DLG2: variants seen among roughly 807,000 people sequenced by gnomAD.
DLG2 encodes the protein discs large MAGUK scaffold protein 2.
DLG2 carries 45 observed loss-of-function variants against 132.5 expected under a neutral mutation model. The ratio of observed to expected loss-of-function variants is 0.34; its 90% CI spans 0.27 to 0.44. The LOEUF (loss-of-function observed/expected upper bound fraction) is 0.44. Among genes scored for constraint, DLG2 ranks in the 20% least tolerant of loss-of-function variants. The probability of loss-of-function intolerance (pLI) is 1.00; values close to 1 mark genes in which losing one functional copy is unlikely to be tolerated. For missense variants in DLG2, 1,045 were observed against 1,196.9 expected (o/e 0.87, Z 1.87); for synonymous variants, 424 against 419.6 (o/e 1.01, Z -0.13).
chr11:83,678,263 A>G (rs2078113447), intron 18 of DLG2, among the ~76,000 whole-genome samples: 1 of 152,198 alleles, frequency 6.6e-6, no homozygotes, highest in African/African-American at 2.4e-5. Context: ...AAAAGCAAAA[A>G]CAGACAAAAG....
intron 6 of DLG2, among the ~76,000 whole-genome samples, chr11:84,956,004 G>A (rs889674090): frequency 6.6e-6 from 1 of 152,156 alleles, no homozygotes; most frequent in African/African-American, 2.4e-5. Context: ...GGGAAGCACT[G>A]CATGTTTCCA....
Position 84,607,037 on chromosome 11 carries a change from A to C in DLG2, c.358-72306T>G, listed in dbSNP as rs181697288. Among the ~76,000 whole-genome samples the C allele has an allele frequency of 7.9e-5, 12 of 152,238 alleles. No individual in the cohort carries two copies. The East Asian group carries it at 2.3e-3, about 29-fold the overall frequency. ...CCATATCCAGGATCCAAGGTCATCA[A>C]GAGCAGGGGGCCATAGAGCTTAATT... On this transcript the variant is annotated intron_variant, in intron 6 of 27. Transcript: ENST00000376104.
chr11:85,238,388 C>T (rs970008408), intron 4 of DLG2, among the ~76,000 whole-genome samples: 4 of 151,634 alleles, frequency 2.6e-5, no homozygotes, highest in African/African-American at 9.7e-5. Context: ...GGACTACAGG[C>T]GTGCACCACC....
chr11:85,116,276 C>T (rs1292839801), intron 5 of DLG2, among the ~76,000 whole-genome samples: 1 of 151,854 alleles, frequency 6.6e-6, no homozygotes, highest in East Asian at 1.9e-4. Flanking sequence ...AGAACACTTT[C>T]TGACTTCTAG....
intron 4 of DLG2, among the ~76,000 whole-genome samples, chr11:85,185,841 C>T (rs919212570): frequency 6.6e-6 from 1 of 151,776 alleles, no homozygotes; most frequent in Non-Finnish European, 1.5e-5. Context: ...AATATCATTT[C>T]ATTTAATCTT....
chr11:84,574,792 C>T (rs192660573), intron 6 of DLG2, among the ~76,000 whole-genome samples: 24 of 152,248 alleles, frequency 1.6e-4, no homozygotes, highest in African/African-American at 5.5e-4. Flanking sequence ...GCTCTTGCTC[C>T]TTTGTTGCCT....
intron 6 of DLG2, among the ~76,000 whole-genome samples, chr11:84,912,253 T>C (rs2092136003): frequency 6.6e-6 from 1 of 152,216 alleles, no homozygotes; most frequent in South Asian, 2.1e-4. Flanking sequence ...CCTCCTGGGT[T>C]CACGCCATTC....
At chr11:84,316,800 G>T in intron 7 of DLG2, 4 of 1,575,934 alleles carry the variant, frequency 2.5e-6, no homozygotes, top group Non-Finnish European at 2.6e-6. Context: ...GACACTCAAG[G>T]GAAAGTCATA....
chr11:84,684,234 C>T (rs1011468451), intron 6 of DLG2, among the ~76,000 whole-genome samples: 1 of 152,070 alleles, frequency 6.6e-6, no homozygotes. Context: ...GGAGATAATT[C>T]CCCTGTGGCA....
rs574020108 is a variant in DLG2 at position 84,728,755 on chromosome 11, C to T, written c.358-194024G>A. Among the ~76,000 whole-genome samples, 6 of 152,226 alleles carry T rather than the reference C, an allele frequency of 3.9e-5. No homozygotes were observed. The South Asian group carries it at 1.2e-3, about 32-fold the overall frequency. ...TTGGTTGTTAGGCTATTAAGTACTG[C>T]CTCAATTTCAGAACTTGTTATTGGT... is the stretch of plus-strand genomic sequence containing the variant. On this transcript the variant is annotated intron_variant, in intron 6 of 27. Transcript: ENST00000376104.
rs539290055 is a variant in DLG2, at chr11:84,337,531, ACTT to A, written c.520-86243_520-86241del. Among the ~76,000 whole-genome samples, 9 of 152,220 alleles carry A rather than the reference ACTT, an allele frequency of 5.9e-5. No individual in the cohort carries two copies. In the South Asian group the frequency reaches 1.7e-3, roughly 28 times the overall value. On this transcript the variant is annotated intron_variant, in intron 7 of 27. Transcript: ENST00000376104. ...TCTGCAAAAAGTACTATCAGATTCTACTTCTTATTTTTAATCTGCTTTCACATT... is the reference window on the plus strand; with the variant it reads ...TCTGCAAAAAGTACTATCAGATTCTACTTATTTTTAATCTGCTTTCACATT...
At chr11:85,559,813 A>ATGTT (rs1651873933) in intron 3 of DLG2, among the ~76,000 whole-genome samples, 1 of 117,928 alleles carries the variant, frequency 8.5e-6, no homozygotes, top group Non-Finnish European at 1.8e-5. Flanking sequence ...GATTAGTTAG[A>ATGTT]TGATTGATAG....
intron 7 of DLG2, among the ~76,000 whole-genome samples, chr11:84,438,440 T>C (rs911838253): frequency 3.3e-5 from 5 of 151,460 alleles, no homozygotes; most frequent in African/African-American, 7.3e-5. Context: ...AGTGTTAAAC[T>C]AAAAAGAGCA....
chr11:85,404,260 G>A (rs1279098483), intron 3 of DLG2, among the ~76,000 whole-genome samples: 1 of 152,000 alleles, frequency 6.6e-6, no homozygotes, highest in East Asian at 1.9e-4. Flanking sequence ...AGAAAGTAAG[G>A]TAACTCAAGA....
intron 11 of DLG2, among the ~76,000 whole-genome samples, chr11:84,030,085 C>T (rs568792966): frequency 1.9e-4 from 29 of 152,054 alleles, no homozygotes; most frequent in African/African-American, 6.0e-4. Context: ...ATTTACCTTC[C>T]GTCTCCCCCA....
chr11:84,011,956 T>C (rs2094914817), intron 11 of DLG2, among the ~76,000 whole-genome samples: 1 of 152,104 alleles, frequency 6.6e-6, no homozygotes, highest in Non-Finnish European at 1.5e-5. Context: ...GATTGTATTG[T>C]TTATAAAATC....
intron 6 of DLG2, among the ~76,000 whole-genome samples, chr11:84,758,865 T>C (rs2067231922): frequency 6.6e-6 from 1 of 152,048 alleles, no homozygotes; most frequent in African/African-American, 2.4e-5. Context: ...TTAATTAATT[T>C]ATTAATTCTT....
chr11:83,637,050 C>T (rs2065042992), intron 18 of DLG2, among the ~76,000 whole-genome samples: 1 of 152,130 alleles, frequency 6.6e-6, no homozygotes, highest in Non-Finnish European at 1.5e-5. Context: ...CGGCAGAGCT[C>T]TGTCTCCAAC....
intron 19 of DLG2, among the ~76,000 whole-genome samples, chr11:83,628,651 A>C (rs894706951): frequency 1.3e-5 from 2 of 152,150 alleles, no homozygotes; most frequent in Non-Finnish European, 2.9e-5. Flanking sequence ...ACTTCCCTCT[A>C]TTTCTACCTC....
Sources: allele counts gnomAD v4.1 joint callset (sites outside exome capture counted in the v4.1 genomes callset), GRCh38; gene constraint gnomAD v4.1.1; transcripts MANE v1.5; gene names NCBI Gene and HGNC (gene_info 2026-07-23, HGNC 2026-07-21).